Variants in LOC112694756 observed in about 807,000 individuals in gnomAD.
chr16:30,066,265 A>C, the LOC112694756 span: 2 of 152,420 alleles, frequency 1.3e-5, no homozygotes, highest in Admixed American at 1.3e-4. Flanking sequence ...GCCCATGTAC[A>C]GCCCCAGGGT....
At chr16:30,066,981 C>A in the LOC112694756 span, 1 of 1,557,640 alleles carries the variant, frequency 6.4e-7, no homozygotes, top group Non-Finnish European at 8.7e-7. Context: ...CCCCAGTTGC[C>A]AGTGGGCAAC....
chr16:30,056,933 C>T, the LOC112694756 span, among the ~76,000 whole-genome samples: 13 of 127,568 alleles, frequency 1.0e-4, no homozygotes, highest in Middle Eastern at 6.4e-3. Context: ...TTTTTTGAGA[C>T]GAGTCTTGCT....
chr16:30,066,737 C>T, the LOC112694756 span: 1 of 849,860 alleles, frequency 1.2e-6, no homozygotes, highest in East Asian at 2.7e-5. Context: ...GAGCTGGGTT[C>T]TAATCTCAGA....
chr16:30,065,634 C>T, the LOC112694756 span: 1 of 152,232 alleles, frequency 6.6e-6, no homozygotes, highest in Non-Finnish European at 1.5e-5. Flanking sequence ...CTGGGCTGCG[C>T]CTCTCGGGGG....
the LOC112694756 span, chr16:30,069,377 T>C: frequency 2.5e-6 from 4 of 1,614,022 alleles, no homozygotes; most frequent in African/African-American, 5.3e-5. Context: ...GCTGCCAGTA[T>C]GTGACCGAGA....
chr16:30,054,513 A>C, the LOC112694756 span: 29 of 277,034 alleles, frequency 1.0e-4, no homozygotes, highest in East Asian at 1.8e-4. Flanking sequence ...GTCAGAGACA[A>C]GAGATCTCTT....
the LOC112694756 span, among the ~76,000 whole-genome samples, chr16:30,061,903 G>A: frequency 2.0e-5 from 3 of 151,012 alleles, no homozygotes; most frequent in Non-Finnish European, 3.0e-5. Context: ...TCAGGATTCT[G>A]GTAATTAAAA....
the LOC112694756 span, chr16:30,069,268 TAGG>T: frequency 6.2e-7 from 1 of 1,607,178 alleles, no homozygotes; most frequent in Non-Finnish European, 8.5e-7. Flanking sequence ...GACTCTGGGT[TAGG>T]AGGCCTCACA....
At chr16:30,067,223 C>G in the LOC112694756 span, 1 of 1,612,086 alleles carries the variant, frequency 6.2e-7, no homozygotes, top group Non-Finnish European at 8.5e-7. Context: ...CCCTCTGTTT[C>G]CTGTATCCAG....
the LOC112694756 span, among the ~76,000 whole-genome samples, chr16:30,056,311 G>T: frequency 3.3e-5 from 5 of 151,988 alleles, no homozygotes; most frequent in Non-Finnish European, 7.4e-5. Context: ...GTTTCACCAT[G>T]TTGGCCAGGC....
chr16:30,062,251 T>G, the LOC112694756 span, among the ~76,000 whole-genome samples: 2 of 148,420 alleles, frequency 1.3e-5, no homozygotes, highest in Non-Finnish European at 3.0e-5. Context: ...ACATTAAAAT[T>G]GATTGGGCGC....
the LOC112694756 span, chr16:30,069,408 G>A: frequency 3.7e-6 from 6 of 1,613,980 alleles, no homozygotes; most frequent in South Asian, 6.6e-5. Flanking sequence ...CTACCTGCCT[G>A]ACCAGTGCAA....
the LOC112694756 span, chr16:30,070,167 GGCT>G: frequency 6.2e-7 from 1 of 1,614,128 alleles, no homozygotes. Context: ...GTCAGGCTGG[GGCT>G]GCTGCCAGCG....
chr16:30,066,683 G>C, the LOC112694756 span, among the ~76,000 whole-genome samples: 743 of 152,312 alleles, frequency 4.9e-3, 19 homozygotes, highest in Admixed American at 0.046. Flanking sequence ...GCCAGCCCTG[G>C]GATCTTGAGG....
the LOC112694756 span, among the ~76,000 whole-genome samples, chr16:30,066,516 C>G: frequency 6.6e-6 from 1 of 152,248 alleles, no homozygotes; most frequent in African/African-American, 2.4e-5. Flanking sequence ...CAAAGCTTAC[C>G]GCTTTCCTCG....
the LOC112694756 span, chr16:30,069,762 TC>T: frequency 9.3e-6 from 15 of 1,612,008 alleles, no homozygotes; most frequent in Middle Eastern, 8.3e-4. Flanking sequence ...CATGGCAACT[TC>T]CACCAGCTCC....
At chr16:30,058,729 G>A in the LOC112694756 span, among the ~76,000 whole-genome samples, 68 of 151,924 alleles carry the variant, frequency 4.5e-4, no homozygotes, top group Middle Eastern at 6.8e-3. Flanking sequence ...TGATCCGCCC[G>A]CCTTGGCCTC....
At chr16:30,055,067 C>T in the LOC112694756 span, 1 of 398,894 alleles carries the variant, frequency 2.5e-6, no homozygotes, top group East Asian at 3.6e-5. Context: ...ACCAGGGGGT[C>T]CCTCCTCTCC....
the LOC112694756 span, chr16:30,064,281 TA>T: frequency 5.1e-6 from 2 of 394,142 alleles, no homozygotes; most frequent in Non-Finnish European, 8.9e-6. Flanking sequence ...CTCTCCTTCT[TA>T]AAAAAAACCA....
Sources: allele counts gnomAD v4.1 joint callset (sites outside exome capture counted in the v4.1 genomes callset), GRCh38; gene constraint gnomAD v4.1.1; transcripts MANE v1.5.